The following SCNN1A variants were observed in gnomAD, a reference collection of about 807,000 sequenced individuals.
SCNN1A encodes the protein sodium channel epithelial 1 subunit alpha.
Under a neutral mutation model 68.6 loss-of-function variants are expected in SCNN1A, and 65 were observed. That is an observed-to-expected ratio of 0.95 (90% CI 0.78 to 1.16). SCNN1A has a LOEUF of 1.16. SCNN1A is among the 50% of genes most tolerant of loss of function. SCNN1A has a pLI of 0.00. For missense variants in SCNN1A, 880 were observed against 865.9 expected (o/e 1.02, Z -0.20); for synonymous variants, 357 against 353.3 (o/e 1.01, Z -0.12).
intron 2 of SCNN1A, among the ~76,000 whole-genome samples, chr12:6,369,376 G>GCCACCCTACGCACCT (rs1206838851): frequency 3.4e-5 from 5 of 145,786 alleles, no homozygotes; most frequent in African/African-American, 1.0e-4. Context: ...CCTCCCTCCT[G>GCCACCCTACGCACCT]CCTGGCCTCA....
At chr12:6,363,353 G>A (rs1244348542) in intron 3 of SCNN1A, 90 bp downstream of exon 3, 4 of 1,191,588 alleles carry the variant, frequency 3.4e-6, no homozygotes, top group Non-Finnish European at 4.5e-6. Context: ...GGGCTGCGCG[G>A]GCGGGTCAGG....
intron 8 of SCNN1A, among the ~76,000 whole-genome samples, chr12:6,354,163 G>A (rs1366574498): frequency 1.3e-5 from 2 of 151,938 alleles, no homozygotes; most frequent in South Asian, 2.1e-4. Flanking sequence ...CCCGGGAGGT[G>A]GAGCTTGCAG....
At chr12:6,350,274 T>C (rs1415798623) in intron 8 of SCNN1A, among the ~76,000 whole-genome samples, 1 of 147,270 alleles carries the variant, frequency 6.8e-6, no homozygotes, top group Non-Finnish European at 1.5e-5. Flanking sequence ...CTACTAAAAA[T>C]ACAAAAAATT....
At chr12:6,349,243 C>T in intron 9 of SCNN1A, 22 bp from the exon 10 acceptor site, 2 of 1,614,070 alleles carry the variant, frequency 1.2e-6, no homozygotes, top group African/African-American at 1.3e-5. Context: ...GAAAGGTGCT[C>T]AGTGTTGGGG....
chr12:6,374,225 T>C lies in SCNN1A; in HGVS notation c.416+143A>G, dbSNP rs1948852138. On this transcript the variant is annotated intron_variant, in intron 2 of 12. Transcript: ENST00000228916. This position sits in a 1 kb window ranked among gnomAD's most constrained non-coding sequence, Gnocchi z 6.2. ...CCAGTAAGCTGGAGGCTCCTCATTT[T>C]GCCAGCAGTGAGCTCTACCTGGGAC... 1.1e-6 allele frequency: 1 copy of C among 902,296 alleles called. No homozygotes were observed. Among genetic ancestry groups the C allele is most frequent in the Admixed American group, 2.6e-5 (1 of 38,312 alleles). 55.9% of individuals were successfully genotyped at this position (902,296 alleles called of 1,614,324 possible). A position where few individuals can be genotyped will look rare whatever the true frequency, so the allele number is the denominator to read the frequency against.
intron 2 of SCNN1A, among the ~76,000 whole-genome samples, chr12:6,369,342 A>G (rs12810735): frequency 1.9e-3 from 251 of 130,552 alleles, no homozygotes; most frequent in Middle Eastern, 4.0e-3. Context: ...CACCCTACGC[A>G]CCTCCCTCCT....
At chr12:6,369,609 G>A (rs941821368) in intron 2 of SCNN1A, among the ~76,000 whole-genome samples, 13 of 152,132 alleles carry the variant, frequency 8.5e-5, no homozygotes, top group Non-Finnish European at 1.5e-4. Context: ...GAGGATGGTG[G>A]ATCACGAGGT....
Position 6,374,533 on chromosome 12 carries a change from G to A in SCNN1A, c.251C>T (p.Thr84Met), listed in dbSNP as rs1280930633. 3 of 1,614,194 alleles carry A rather than the reference G, an allele frequency of 1.9e-6. No homozygotes were observed. Among genetic ancestry groups the A allele is most frequent in the Non-Finnish European group, 1.7e-6 (2 of 1,180,032 alleles). ...GAGCCACAGCACTGCCCAGAAGGCC[G>A]TCTTCATGCGGTTGTGCTGGGAGCA... Reference protein sequence around the residue: ...LVCSQHNRMKTAFWAVLWLCT... With the variant: ...LVCSQHNRMKMAFWAVLWLCT... Residue 84 changes from threonine (T) to methionine (M), a missense_variant, in exon 2 of 13, where the codon ACG (threonine) becomes ATG (methionine). Around this residue, in one of 3 missense-constraint regions of SCNN1A, gnomAD observed 45 missense variants for 76.7 expected, o/e 0.59. Coordinates refer to ENST00000228916, the MANE Select transcript of SCNN1A (RefSeq NM_001038.6). The surrounding 1 kb of genome is among the most constrained non-coding windows in gnomAD (Gnocchi z 6.2).
At position 6,355,801 on chromosome 12, in the gene SCNN1A, A is replaced by G; in HGVS notation, c.955T>C (p.Ser319Pro). The change falls in exon 5 of 13, where the codon TCT becomes CCT. Residue 319 changes from serine to proline, a missense_variant. Coordinates refer to ENST00000228916, the MANE Select transcript of SCNN1A (RefSeq NM_001038.6). ...CCGTTGTTGATTCCAGGCATGGAAG[A>G]CATCCAGAGGTTGGAGTTGTTCTTG... ...NDKNNSNLWM[S>P]SMPGINNGLS... is the part of the protein sequence containing the mutation. 6.2e-7 allele frequency: 1 copy of G among 1,613,066 alleles called. No individual in the cohort carries two copies. The highest frequency in any genetic ancestry group is 8.5e-7 in the Non-Finnish European group (1 of 1,178,978).
upstream of SCNN1A, chr12:6,375,577 T>C (rs549775720): frequency 6.7e-7 from 1 of 1,495,676 alleles, no homozygotes; most frequent in East Asian, 2.5e-5. Flanking sequence ...AGGAATCTCA[T>C]TAGCATCTCA....
intron 2 of SCNN1A, among the ~76,000 whole-genome samples, chr12:6,366,105 C>T (rs1042855500): frequency 1.6e-4 from 25 of 152,240 alleles, no homozygotes; most frequent in Admixed American, 1.2e-3. Context: ...CCGCCCGTCT[C>T]GGCCTCCCAA....
upstream of SCNN1A, chr12:6,377,122 G>GAGAAA: frequency 1.5e-6 from 1 of 664,414 alleles, no homozygotes; most frequent in Non-Finnish European, 2.6e-6. Context: ...AGGCAAAGAA[G>GAGAAA]AGAAAAGGCA....
At chr12:6,359,196 T>C (rs1050355399) in intron 4 of SCNN1A, among the ~76,000 whole-genome samples, 2 of 152,148 alleles carry the variant, frequency 1.3e-5, no homozygotes, top group Non-Finnish European at 1.5e-5. Flanking sequence ...ACTCCAAATA[T>C]ATTAAAAATC....
chr12:6,348,375 C>T (rs767979702), intron 12 of SCNN1A, 122 bp from the exon 13 acceptor site: 6 of 1,551,388 alleles, frequency 3.9e-6, no homozygotes, highest in Non-Finnish European at 5.2e-6. Context: ...CGAGTCCTCT[C>T]AGCCTCTCAG....
chr12:6,362,199 A>G lies in SCNN1A; in HGVS notation c.727T>C (p.Ser243Pro), dbSNP rs776069930. Residue 243 changes from serine to proline, a missense_variant, in exon 4 of 13, where the codon TCA becomes CCA. Ser to Pro is a moderately conservative substitution (Grantham distance 74). Coordinates refer to ENST00000228916, the MANE Select transcript of SCNN1A (RefSeq NM_001038.6). ...CACTCCCTCACCGCATCCACCCCTG[A>G]TGAGTATGTCTGGTAGAAGCAGTCC... ...KSDCFYQTYS[S>P]GVDAVREWYR... The G allele has an allele frequency of 2.5e-6, 4 of 1,614,158 alleles. No individual in the cohort carries two copies. The South Asian group carries it at 4.4e-5, about 18-fold the overall frequency.
At chr12:6,358,651 G>T (rs1472142302) in intron 4 of SCNN1A, among the ~76,000 whole-genome samples, 2 of 152,088 alleles carry the variant, frequency 1.3e-5, no homozygotes, top group Non-Finnish European at 2.9e-5. Flanking sequence ...TTGAGCTCAG[G>T]AGTTCGAGAT....
intron 12 of SCNN1A, 22 bp downstream of exon 12, chr12:6,348,705 G>C (rs1250575198): frequency 1.3e-6 from 2 of 1,598,934 alleles, no homozygotes; most frequent in South Asian, 2.2e-5. Context: ...AGCATCACAG[G>C]CTCCATCCAG....
intron 2 of SCNN1A, among the ~76,000 whole-genome samples, chr12:6,370,956 C>T (rs986194557): frequency 2.0e-5 from 3 of 152,148 alleles, no homozygotes; most frequent in African/African-American, 4.8e-5. Context: ...TATGACTGGC[C>T]CTCTCCTTTC....
At position 6,347,812 on chromosome 12, in the gene SCNN1A, G is replaced by C; in HGVS notation, c.*61C>G. On this transcript the variant is annotated 3_prime_UTR_variant, in exon 13 of 13. Transcript: ENST00000228916. ...CCCTGCACATCCTTCAATCTTGCCA[G>C]GGCCAGCACCCTCCCACCAGAGGAG... The C allele has an allele frequency of 6.9e-7, 1 of 1,446,010 alleles. No individual in the cohort carries two copies. Among genetic ancestry groups the C allele is most frequent in the Non-Finnish European group, 9.6e-7 (1 of 1,042,084 alleles). 89.6% of individuals were successfully genotyped at this position (1,446,010 alleles called of 1,614,324 possible).
Sources: gnomAD v4.1 joint callset for allele counts (sites outside exome capture counted in the v4.1 genomes callset) on GRCh38, gnomAD v4.1.1 for gene constraint, gnomAD v4.1.1 regional missense constraint, Gnocchi (gnomAD v3.1) non-coding constraint, MANE v1.5 for transcripts, NCBI Gene and HGNC (gene_info 2026-07-23, HGNC 2026-07-21) for gene names.